ANKRD36B: variants seen among roughly 807,000 people sequenced by gnomAD.
The protein encoded by ANKRD36B is ankyrin repeat domain-containing protein 36B.
A neutral mutation model predicts 135.7 loss-of-function variants in ANKRD36B; 37 were observed. That is an observed-to-expected ratio of 0.27 (90% CI 0.21 to 0.36). The LOEUF is 0.36. Among genes scored for constraint, ANKRD36B ranks in the 10% least tolerant of loss-of-function variants. The pLI, the probability that ANKRD36B is intolerant of heterozygous loss-of-function variation, is 1.00. For synonymous variants in ANKRD36B, 179 were observed against 348.1 expected (o/e 0.51, Z 5.41); for missense variants, 549 against 1,037.1 (o/e 0.53, Z 6.46).
At chr2:97,589,147 C>T (rs2083230149) in intron 1 of ANKRD36B, among the ~76,000 whole-genome samples, 1 of 108,900 alleles carries the variant, frequency 9.2e-6, no homozygotes, top group African/African-American at 3.7e-5. Flanking sequence ...CCCTTTCCCC[C>T]ACCCCATTCA....
rs538778157 is a variant in ANKRD36B, at chr2:97,547,780, A to G, written c.1478-49T>C. On this transcript the variant is annotated intron_variant, in intron 20 of 43. Coordinates refer to ENST00000359901, the MANE Select transcript of ANKRD36B (RefSeq NM_001393939.1). ...ATCACTCATATGTAAAAATGACAAA[A>G]TTATCCACACATTCACGCAGTGTTA... 1.8e-5 allele frequency: 28 copies of G among 1,537,918 alleles called. 1 individual carries two copies. The African/African-American group carries it at 3.2e-4, about 17-fold the overall frequency.
rs1440275646 is a variant in ANKRD36B at position 97,528,263 on chromosome 2, T to C, written c.2265+4048A>G. On this transcript the variant is annotated intron_variant, in intron 35 of 43. Transcript: ENST00000359901. ...GATTAAGAAACTCACTAAAAACCGC[T>C]CAACTACATGGAAACTGAACAACCT... Among the ~76,000 whole-genome samples, 40 of 93,616 alleles carry C rather than the reference T, an allele frequency of 4.3e-4. 5 individuals are homozygous for C. The highest frequency in any genetic ancestry group is 1.2e-3 in the African/African-American group (38 of 31,230). The allele number at this position is 93,616 out of a possible 152,430, so 61.4% of individuals were successfully genotyped here. A position where few individuals can be genotyped will look rare whatever the true frequency, so the allele number is the denominator to read the frequency against.
chr2:97,546,481 A>G (rs1279899211), intron 22 of ANKRD36B, among the ~76,000 whole-genome samples: 1 of 151,670 alleles, frequency 6.6e-6, no homozygotes, highest in Non-Finnish European at 1.5e-5. Context: ...TCTTGTATCC[A>G]CTAGTTTAGA....
rs1311556824 is a variant in ANKRD36B, at chr2:97,526,628, C to A, written c.2266-3161G>T. ...TCTGAGCTACAGGAGGAAATTCAAA[C>A]CAAAGGCAAAGAAGTTAAAAACTTT... On this transcript the variant is annotated intron_variant, in intron 35 of 43. Transcript: ENST00000359901. 3.1e-5 allele frequency among the ~76,000 whole-genome samples: 3 copies of A among 96,542 alleles called. 1 individual carries two copies. Among genetic ancestry groups the A allele is most frequent in the African/African-American group, 9.3e-5 (3 of 32,110 alleles). The allele number at this position is 96,542 out of a possible 152,430, so 63.3% of individuals were successfully genotyped here.
chr2:97,548,058 C>T (rs553734877), intron 20 of ANKRD36B, among the ~76,000 whole-genome samples: 9 of 151,664 alleles, frequency 5.9e-5, no homozygotes, highest in African/African-American at 9.7e-5. Flanking sequence ...ACTCATACAC[C>T]TGAGAATCAA....
intron 22 of ANKRD36B, 148 bp from the exon 23 acceptor site, chr2:97,546,009 C>T: frequency 2.4e-6 from 2 of 835,554 alleles, no homozygotes; most frequent in South Asian, 1.4e-5. Flanking sequence ...GGGACAAGAA[C>T]ATGACAGAAA....
chr2:97,514,001 C>T lies in ANKRD36B; in HGVS notation c.2622-638G>A, dbSNP rs529833999. The stretch of plus-strand genomic sequence containing the variant: ...TATTTGATTGCTGTCTCATGCTTCT[C>T]TAAAATGTATAAAACCAAGCTGCAC... On this transcript the variant is annotated intron_variant, in intron 37 of 43. Transcript: ENST00000359901. Among the ~76,000 whole-genome samples the T allele has an allele frequency of 2.2e-4, 29 of 129,492 alleles. 1 individual carries two copies. The highest frequency in any genetic ancestry group is 3.6e-3 in the Middle Eastern group (1 of 280). 85.0% of individuals were successfully genotyped at this position (129,492 alleles called of 152,430 possible).
At chr2:97,565,899 A>ATG (rs2081392369) in intron 6 of ANKRD36B, among the ~76,000 whole-genome samples, 1 of 151,758 alleles carries the variant, frequency 6.6e-6, no homozygotes, top group Non-Finnish European at 1.5e-5. Context: ...GTATATATAT[A>ATG]TATGTACAGT....
At position 97,545,960 on chromosome 2, in the gene ANKRD36B, G is replaced by C. The variant is rs2079419883; in HGVS notation, c.1580-99C>G. ...AGCATCAACCTCTGTCCTCCTGCCT[G>C]TAATAGTGTAGGCTTTGATGGCTTC... On this transcript the variant is annotated intron_variant, in intron 22 of 43. Coordinates refer to ENST00000359901, the MANE Select transcript of ANKRD36B (RefSeq NM_001393939.1). 4 of 926,494 alleles carry C rather than the reference G, an allele frequency of 4.3e-6. 1 individual carries two copies. Among genetic ancestry groups the C allele is most frequent in the African/African-American group, 3.2e-5 (2 of 62,486 alleles). 57.4% of individuals were successfully genotyped at this position (926,494 alleles called of 1,614,324 possible).
chr2:97,587,191 G>A lies in ANKRD36B; in HGVS notation c.162-1793C>T, dbSNP rs564460576. Reference sequence around the variant, plus strand: ...CCATCTCAAAAATAAACAAACAAACGAAGAAATTAATAATAAAATAGAAAC... The same window carrying A: ...CCATCTCAAAAATAAACAAACAAACAAAGAAATTAATAATAAAATAGAAAC... On this transcript the variant is annotated intron_variant, in intron 1 of 43. Transcript: ENST00000359901. 4.6e-5 allele frequency among the ~76,000 whole-genome samples: 7 copies of A among 152,048 alleles called. No individual in the cohort carries two copies. The South Asian group carries it at 1.0e-3, about 23-fold the overall frequency.
At chr2:97,557,586 C>G (rs13034553) in intron 10 of ANKRD36B, among the ~76,000 whole-genome samples, 84,413 of 151,560 alleles carry the variant, frequency 0.56, 25,133 homozygotes, top group Non-Finnish European at 0.67. Context: ...GGTAATTGAG[C>G]AGGTACACAA....
chr2:97,553,159 C>A lies in ANKRD36B; in HGVS notation c.1273+9G>T. ...TGAACATGACATTGAATGTGTTTTG[C>A]AAAATTACCTGTCCCAGATTTTTCT... On this transcript the variant is annotated intron_variant, in intron 16 of 43. Transcript: ENST00000359901. 6.2e-7 allele frequency: 1 copy of A among 1,609,664 alleles called. No individual in the cohort carries two copies.
intron 16 of ANKRD36B, among the ~76,000 whole-genome samples, chr2:97,552,887 G>A (rs2080188991): frequency 6.6e-6 from 1 of 151,864 alleles, no homozygotes; most frequent in Admixed American, 6.6e-5. Flanking sequence ...GCAAAACTAT[G>A]CTGCTCCCCA....
chr2:97,567,726 C>G (rs539034086), intron 6 of ANKRD36B, among the ~76,000 whole-genome samples: 11 of 152,200 alleles, frequency 7.2e-5, no homozygotes, highest in African/African-American at 2.4e-4. Flanking sequence ...CCCTTACATC[C>G]CAGTCTGCCC....
chr2:97,547,874 T>G (rs1026385175), intron 20 of ANKRD36B, 143 bp from the exon 21 acceptor site: 2 of 1,279,666 alleles, frequency 1.6e-6, no homozygotes, highest in African/African-American at 3.0e-5. Flanking sequence ...GTCTGGGGAC[T>G]AGAACATGAC....
chr2:97,540,677 A>T lies in ANKRD36B; in HGVS notation c.1886-448T>A, dbSNP rs1463724531. Among the ~76,000 whole-genome samples the T allele has an allele frequency of 1.1e-4, 11 of 96,230 alleles. 3 individuals are homozygous for T. The highest frequency in any genetic ancestry group is 4.6e-4 in the Admixed American group (5 of 10,764). 63.1% of individuals were successfully genotyped at this position (96,230 alleles called of 152,430 possible). ...CATGCTCTTTAACTTGCCCGATAACAGAGAAGGTACACAATTACAATGACA... is the reference window on the plus strand; with the variant it reads ...CATGCTCTTTAACTTGCCCGATAACTGAGAAGGTACACAATTACAATGACA... On this transcript the variant is annotated intron_variant, in intron 28 of 43. Transcript: ENST00000359901.
intron 30 of ANKRD36B, among the ~76,000 whole-genome samples, chr2:97,539,070 A>G (rs2079026644): frequency 1.0e-5 from 1 of 97,240 alleles, no homozygotes; most frequent in African/African-American, 3.1e-5. Context: ...ATAATAAATG[A>G]TCAAATGACA....
At position 97,578,933 on chromosome 2, in the gene ANKRD36B, T is replaced by C. The variant is rs1327682594; in HGVS notation, c.668A>G (p.Asp223Gly). 10 of 1,612,918 alleles carry C rather than the reference T, an allele frequency of 6.2e-6. No individual in the cohort carries two copies. The Admixed American group carries it at 1.7e-4, about 27-fold the overall frequency. Residue 223 changes from aspartate to glycine, a missense_variant, in exon 5 of 44, where the codon GAT becomes GGT. By Grantham distance (94) the Asp-to-Gly change is moderately conservative (BLOSUM62 -1). Transcript: ENST00000359901. Reference sequence around the variant, plus strand: ...TCTATTCTCAGCCTCACTGGCATAATCTTCTGCAAGCTTTCCATACACATC... The same window carrying C: ...TCTATTCTCAGCCTCACTGGCATAACCTTCTGCAAGCTTTCCATACACATC... ...SRDVYGKLAE[D>G]YASEAENRVI...
In ANKRD36B at chr2:97,556,980, C is replaced by G. The variant is rs1239464093; in HGVS notation, c.1026G>C (p.Leu342Phe). ...KVIFKKKVSL[L>F]NIATRIMGGG... is the part of the protein sequence containing the mutation. The stretch of plus-strand genomic sequence containing the variant: ...CGCCCATTATTCTTGTGGCAATATT[C>G]AAAAGAGAAACTTTCTTTTTAAATA... The change falls in exon 12 of 44, where the codon TTG (leucine) becomes TTC (phenylalanine). Residue 342 changes from leucine (L) to phenylalanine (F), a missense_variant. Leu to Phe is a conservative substitution (Grantham distance 22, BLOSUM62 0). Coordinates refer to ENST00000359901, the MANE Select transcript of ANKRD36B (RefSeq NM_001393939.1). 1 of 1,582,184 alleles carries G rather than the reference C, an allele frequency of 6.3e-7. No homozygotes were observed. Among genetic ancestry groups the G allele is most frequent in the Non-Finnish European group, 8.6e-7 (1 of 1,164,228 alleles).
Sources: allele counts gnomAD v4.1 joint callset (sites outside exome capture counted in the v4.1 genomes callset), GRCh38; gene constraint gnomAD v4.1.1; transcripts MANE v1.5; gene names NCBI Gene and HGNC (gene_info 2026-07-23, HGNC 2026-07-21).